PLXNC1: variants seen among roughly 807,000 people sequenced by gnomAD.
PLXNC1 encodes plexin-C1.
A neutral mutation model predicts 178.2 loss-of-function variants in PLXNC1; 75 were observed. The ratio of observed to expected loss-of-function variants is 0.42; its 90% confidence interval spans 0.35 to 0.51. The LOEUF (loss-of-function observed/expected upper bound fraction) is 0.51. PLXNC1 is among the 20% of genes least tolerant of loss of function. The pLI, the probability that PLXNC1 is intolerant of heterozygous loss-of-function variation, is 0.02. For missense variants in PLXNC1, 1,503 were observed against 1,984.4 expected (o/e 0.76, Z 4.61); for synonymous variants, 790 against 779.9 (o/e 1.01, Z -0.22).
intron 21 of PLXNC1, among the ~76,000 whole-genome samples, chr12:94,277,422 T>C (rs1015492338): frequency 7.2e-5 from 11 of 152,100 alleles, no homozygotes; most frequent in African/African-American, 2.7e-4. Context: ...CTCCCGAAAT[T>C]TCAGAAGCCC....
rs1241495906 is a variant in PLXNC1 at position 94,260,841 on chromosome 12, G to T, written c.3450+1G>T. 1 of 1,613,894 alleles carries T rather than the reference G, an allele frequency of 6.2e-7. No individual in the cohort carries two copies. The highest frequency in any genetic ancestry group is 8.5e-7 in the Non-Finnish European group (1 of 1,179,776). On this transcript the variant is annotated splice_donor_variant, in intron 20 of 30. Transcript: ENST00000258526. LOFTEE classifies it high-confidence loss of function. The surrounding 1 kb of genome is among the most constrained non-coding windows in gnomAD (Gnocchi z 4.4). ...CGTCTGCCTTTCTGGATTTCTCCGGGTAAGTGTCACATCCCTCAGCAATGT... is the reference window on the plus strand; with the variant it reads ...CGTCTGCCTTTCTGGATTTCTCCGGTTAAGTGTCACATCCCTCAGCAATGT...
At chr12:94,189,909 A>G (rs1282541230) in intron 4 of PLXNC1, among the ~76,000 whole-genome samples, 1 of 152,170 alleles carries the variant, frequency 6.6e-6, no homozygotes, top group East Asian at 1.9e-4. Flanking sequence ...GTGAGGAGCT[A>G]CATATTCAAG....
intron 21 of PLXNC1, chr12:94,277,967 G>A (rs832506): frequency 6.6e-6 from 3 of 456,010 alleles, no homozygotes; most frequent in South Asian, 4.6e-5. Flanking sequence ...CTGAGCCCTA[G>A]GCAAATCAGA....
chr12:94,232,114 T>A (rs947023850), intron 9 of PLXNC1, among the ~76,000 whole-genome samples: 2 of 152,096 alleles, frequency 1.3e-5, no homozygotes, highest in African/African-American at 4.8e-5. Flanking sequence ...GAGATGGAGT[T>A]TCACTCTTGT....
chr12:94,154,669 A>G (rs1961093480), intron 1 of PLXNC1, among the ~76,000 whole-genome samples: 1 of 152,204 alleles, frequency 6.6e-6, no homozygotes, highest in Non-Finnish European at 1.5e-5. Flanking sequence ...CTGCTATGCT[A>G]AGACCAGCTT....
chr12:94,274,704 A>G (rs1592866691), intron 21 of PLXNC1, among the ~76,000 whole-genome samples: 1 of 152,184 alleles, frequency 6.6e-6, no homozygotes, highest in East Asian at 1.9e-4. Context: ...CTTACTTTAC[A>G]AAACATTCTT....
chr12:94,262,629 G>T (rs1042022911), intron 20 of PLXNC1: 14 of 985,296 alleles, frequency 1.4e-5, no homozygotes, highest in Non-Finnish European at 1.7e-5. Flanking sequence ...ACTTTCAGTG[G>T]AATAATTCCC....
At chr12:94,150,074 C>T (rs147991157) in intron 1 of PLXNC1, 41 bp downstream of exon 1, 488 of 1,454,350 alleles carry the variant, frequency 3.4e-4, no homozygotes, top group Middle Eastern at 2.1e-3. Flanking sequence ...GCGCTGCTGC[C>T]GGGGAGCCGC....
chr12:94,231,987 C>G (rs1263061317), intron 9 of PLXNC1, among the ~76,000 whole-genome samples: 1 of 152,180 alleles, frequency 6.6e-6, no homozygotes, highest in African/African-American at 2.4e-5. Context: ...ATATGCTTAT[C>G]ACTATAGGGC....
intron 12 of PLXNC1, among the ~76,000 whole-genome samples, chr12:94,245,388 T>C (rs950997323): frequency 1.3e-5 from 2 of 152,130 alleles, no homozygotes; most frequent in African/African-American, 4.8e-5. Context: ...TACATTGGGA[T>C]TGAAAGTTGA....
intron 1 of PLXNC1, among the ~76,000 whole-genome samples, chr12:94,165,357 G>A (rs1330178953): frequency 6.6e-6 from 1 of 152,134 alleles, no homozygotes; most frequent in Non-Finnish European, 1.5e-5. Flanking sequence ...CATTCACAGG[G>A]ACCTGTCCAT....
At position 94,186,450 on chromosome 12, in the gene PLXNC1, C is replaced by T. The variant is rs745637999; in HGVS notation, c.1416C>T (p.Cys472=). Reference sequence around the variant, plus strand: ...GTTTAACAGCCACAGACCCTCACTGCGGTTGGTGCCATTCGCTACAAAGGT... The same window carrying T: ...GTTTAACAGCCACAGACCCTCACTGTGGTTGGTGCCATTCGCTACAAAGGT... ...SECLTATDPH[C]GWCHSLQRCT... The change falls in exon 4 of 31, where the codon TGC becomes TGT. Residue 472 remains cysteine, a synonymous_variant. Coordinates refer to ENST00000258526, the MANE Select transcript of PLXNC1 (RefSeq NM_005761.3). 7 of 1,612,452 alleles carry T rather than the reference C, an allele frequency of 4.3e-6. No homozygotes were observed. The highest frequency in any genetic ancestry group is 2.2e-5 in the South Asian group (2 of 91,056).
chr12:94,150,245 G>A (rs967097798), intron 1 of PLXNC1, among the ~76,000 whole-genome samples: 3 of 152,190 alleles, frequency 2.0e-5, no homozygotes, highest in South Asian at 4.1e-4. Flanking sequence ...CCCAAAGGGA[G>A]AGTGTAAAAA....
intron 5 of PLXNC1, among the ~76,000 whole-genome samples, chr12:94,215,994 G>T (rs555786870): frequency 1.4e-4 from 22 of 152,288 alleles, no homozygotes; most frequent in Middle Eastern, 6.8e-3. Flanking sequence ...GGCCAGGCAT[G>T]GTGGCTCATG....
At chr12:94,211,330 G>C (rs967417072) in intron 5 of PLXNC1, among the ~76,000 whole-genome samples, 2 of 152,188 alleles carry the variant, frequency 1.3e-5, no homozygotes, top group Non-Finnish European at 2.9e-5. Context: ...TTTGACTAAA[G>C]CTATCCTTTG....
chr12:94,226,206 A>G (rs1215676909), intron 7 of PLXNC1, among the ~76,000 whole-genome samples: 2 of 152,244 alleles, frequency 1.3e-5, no homozygotes, highest in African/African-American at 4.8e-5. Context: ...GGCAGTTGGC[A>G]GTGTGACTGC....
At chr12:94,266,308 G>A (rs901649660) in intron 21 of PLXNC1, among the ~76,000 whole-genome samples, 1 of 152,162 alleles carries the variant, frequency 6.6e-6, no homozygotes, top group African/African-American at 2.4e-5. Context: ...ATCAAAGATG[G>A]CACCATGCAC....
At chr12:94,194,622 C>T (rs186161434) in intron 4 of PLXNC1, among the ~76,000 whole-genome samples, 41 of 152,150 alleles carry the variant, frequency 2.7e-4, no homozygotes, top group East Asian at 9.7e-4. Flanking sequence ...GGTGTGGTGG[C>T]GCATGCCTGT....
intron 4 of PLXNC1, among the ~76,000 whole-genome samples, chr12:94,201,748 C>CTTTTTTT (rs10529488): frequency 3.7e-5 from 2 of 54,498 alleles, no homozygotes; most frequent in African/African-American, 1.5e-4. Flanking sequence ...CTTCCCACTA[C>CTTTTTTT]TTTTTTTTTT....
Sources: allele counts gnomAD v4.1 joint callset (sites outside exome capture counted in the v4.1 genomes callset), GRCh38; gene constraint gnomAD v4.1.1; non-coding constraint Gnocchi (gnomAD v3.1); transcripts MANE v1.5; gene names NCBI Gene and HGNC (gene_info 2026-07-23, HGNC 2026-07-21).